CDH18: variants seen among roughly 807,000 people sequenced by gnomAD.
CDH18 encodes the protein cadherin 18, also known as cadherin-18.
Under a neutral mutation model 67.9 loss-of-function variants are expected in CDH18, and 31 were observed. That is an observed-to-expected ratio of 0.46 (90% CI 0.34 to 0.62). The LOEUF is 0.62. Among genes scored for constraint, CDH18 ranks in the 20% least tolerant of loss-of-function variants. CDH18 has a pLI of 0.01. For synonymous variants in CDH18, 362 were observed against 347.2 expected (o/e 1.04, Z -0.48); for missense variants, 890 against 975.5 (o/e 0.91, Z 1.17).
intron 3 of CDH18, among the ~76,000 whole-genome samples, chr5:19,830,659 A>G (rs1422368863): frequency 6.6e-6 from 1 of 152,106 alleles, no homozygotes; most frequent in Non-Finnish European, 1.5e-5. Context: ...GAGAGGTACC[A>G]TTTCACCCAG....
At chr5:19,794,010 A>C (rs977842054) in intron 3 of CDH18, among the ~76,000 whole-genome samples, 1 of 152,160 alleles carries the variant, frequency 6.6e-6, no homozygotes, top group African/African-American at 2.4e-5. Context: ...CTCTTGAAAA[A>C]TATTTGATTA....
intron 2 of CDH18, among the ~76,000 whole-genome samples, chr5:19,871,884 G>C (rs1390010880): frequency 6.6e-6 from 1 of 152,148 alleles, no homozygotes; most frequent in African/African-American, 2.4e-5. Context: ...TGTCCAGTAA[G>C]TATCAATACA....
chr5:20,438,183 G>A (rs1346086016), intron 1 of CDH18, among the ~76,000 whole-genome samples: 4 of 150,408 alleles, frequency 2.7e-5, no homozygotes, highest in Non-Finnish European at 5.9e-5. Context: ...TTTCTACATG[G>A]ATCAAGGAAT....
At chr5:20,312,499 T>G (rs1737085496) in intron 1 of CDH18, among the ~76,000 whole-genome samples, 1 of 152,152 alleles carries the variant, frequency 6.6e-6, no homozygotes, top group East Asian at 1.9e-4. Context: ...GAAGAAATGA[T>G]GATTTGCTCA....
intron 4 of CDH18, 93 bp from the exon 5 acceptor site, chr5:19,721,559 G>T (rs1182781603): frequency 8.7e-7 from 1 of 1,156,036 alleles, no homozygotes; most frequent in African/African-American, 1.5e-5. Context: ...AATAGCTATG[G>T]AGATCAGTAC....
At chr5:19,617,549 C>G (rs984187433) in intron 5 of CDH18, among the ~76,000 whole-genome samples, 1 of 152,144 alleles carries the variant, frequency 6.6e-6, no homozygotes, top group African/African-American at 2.4e-5. Context: ...CTTCTCTTTT[C>G]AATACATCCT....
At chr5:19,602,803 A>G (rs966745861) in intron 6 of CDH18, among the ~76,000 whole-genome samples, 2 of 152,036 alleles carry the variant, frequency 1.3e-5, no homozygotes, top group African/African-American at 2.4e-5. Context: ...ATCTCTACTA[A>G]AAGTACAAAA....
intron 2 of CDH18, among the ~76,000 whole-genome samples, chr5:20,041,368 C>G (rs949115444): frequency 6.6e-6 from 1 of 152,182 alleles, no homozygotes; most frequent in Non-Finnish European, 1.5e-5. Context: ...ACTTGATTTA[C>G]AAATCAGACC....
chr5:20,487,369 A>AACCTATATATATATATAT (rs1356759053), intron 1 of CDH18, among the ~76,000 whole-genome samples: 41 of 149,440 alleles, frequency 2.7e-4, no homozygotes, highest in African/African-American at 9.5e-4. Context: ...TATATATATA[A>AACCTATATATATATATAT]ACCTATATAT....
chr5:20,501,522 CATATTATATAT>C (rs1561068824), intron 1 of CDH18, among the ~76,000 whole-genome samples: 2 of 68,450 alleles, frequency 2.9e-5, no homozygotes, highest in African/African-American at 5.2e-5. Context: ...ATATTATATA[CATATTATATAT>C]ATTATATACA....
chr5:19,978,256 T>C (rs976184519), intron 2 of CDH18, among the ~76,000 whole-genome samples: 6 of 152,128 alleles, frequency 3.9e-5, no homozygotes, highest in African/African-American at 1.2e-4. Flanking sequence ...TTATTTTCTT[T>C]CATTAGGAGT....
intron 1 of CDH18, among the ~76,000 whole-genome samples, chr5:20,485,887 C>A (rs550301344): frequency 6.6e-6 from 1 of 152,130 alleles, no homozygotes; most frequent in Admixed American, 6.5e-5. Context: ...TTAAACCAGG[C>A]TATTTTGAAG....
At chr5:19,535,820 A>G (rs889985972) in intron 9 of CDH18, among the ~76,000 whole-genome samples, 1 of 152,188 alleles carries the variant, frequency 6.6e-6, no homozygotes, top group Non-Finnish European at 1.5e-5. Flanking sequence ...ACACATTGAA[A>G]GTTTCAATAA....
At chr5:20,572,943 G>A (rs1274190456) in intron 1 of CDH18, among the ~76,000 whole-genome samples, 1 of 152,096 alleles carries the variant, frequency 6.6e-6, no homozygotes, top group Non-Finnish European at 1.5e-5. Context: ...GCTTACATAT[G>A]TGACTCCTAG....
intron 1 of CDH18, among the ~76,000 whole-genome samples, chr5:20,297,198 T>C (rs1489712875): frequency 2.0e-5 from 3 of 152,220 alleles, no homozygotes; most frequent in Non-Finnish European, 2.9e-5. Context: ...AATGATCCTA[T>C]AGGTTTTTCC....
chr5:19,838,067 G>C lies in CDH18; in HGVS notation c.228+692C>G, dbSNP rs73761841. Among the ~76,000 whole-genome samples the C allele has an allele frequency of 6.0e-3, 920 of 152,222 alleles. 7 individuals carry two copies. Among genetic ancestry groups the C allele is most frequent in the African/African-American group, 0.021 (867 of 41,542 alleles). ...AGTTTTCGTGTCTGCATTTTTGAGA[G>C]AAAGGGAACTTGACCTGAAATAACT... On this transcript the variant is annotated intron_variant, in intron 3 of 12. Transcript: ENST00000382275.
In CDH18 at chr5:19,571,911, TA is replaced by T. The variant is rs1279949176; in HGVS notation, c.1000-80del. On this transcript the variant is annotated intron_variant, in intron 7 of 12. Coordinates refer to ENST00000382275, the MANE Select transcript of CDH18 (RefSeq NM_004934.5). The stretch of plus-strand genomic sequence containing the variant: ...CTTTCATTACTTTTCAAATATGCAT[TA>T]TTTTTTCCTTTTTAGAATAAAATAA... 3 of 1,116,554 alleles carry T rather than the reference TA, an allele frequency of 2.7e-6. No homozygotes were observed. The African/African-American group carries it at 4.8e-5, about 18-fold the overall frequency. The allele number at this position is 1,116,554 out of a possible 1,614,324, so 69.2% of individuals were successfully genotyped here.
At chr5:19,915,459 C>T (rs1021586567) in intron 2 of CDH18, among the ~76,000 whole-genome samples, 1 of 152,120 alleles carries the variant, frequency 6.6e-6, no homozygotes, top group Admixed American at 6.6e-5. Flanking sequence ...TGGAAGCCTT[C>T]CTGATAATTT....
chr5:20,342,133 C>T lies in CDH18; in HGVS notation c.-579-86628G>A, dbSNP rs988555467. On this transcript the variant is annotated intron_variant, in intron 1 of 14. Coordinates refer to the CDH18 transcript ENST00000507958. ...AAGATTTTATCATATGAGTGGCTGA[C>T]CTGCAATGAAAGATCCATGCACAGC... 9.9e-5 allele frequency among the ~76,000 whole-genome samples: 15 copies of T among 152,062 alleles called. No homozygotes were observed. The South Asian group carries it at 2.9e-3, about 30-fold the overall frequency.
Sources: allele counts gnomAD v4.1 joint callset (sites outside exome capture counted in the v4.1 genomes callset), GRCh38; gene constraint gnomAD v4.1.1; transcripts MANE v1.5; gene names NCBI Gene and HGNC (gene_info 2026-07-23, HGNC 2026-07-21).